Variants in ARID1B observed in about 807,000 individuals in gnomAD.
ARID1B encodes AT-rich interactive domain-containing protein 1B.
Under a neutral mutation model 212.3 loss-of-function variants are expected in ARID1B, and 30 were observed. That is an observed-to-expected ratio of 0.14 (90% CI 0.11 to 0.19). The LOEUF (loss-of-function observed/expected upper bound fraction) is 0.19, where lower values mean the gene tolerates loss of function less well. Among genes scored for constraint, ARID1B ranks in the 10% least tolerant of loss-of-function variants. The probability of loss-of-function intolerance (pLI) is 1.00; values close to 1 mark genes in which losing one functional copy is unlikely to be tolerated. For synonymous variants in ARID1B, 1,402 were observed against 1,301.7 expected (o/e 1.08, Z -1.66); for missense variants, 2,891 against 3,204.0 (o/e 0.90, Z 2.36).
chr6:157,190,243 A>G lies in ARID1B; in HGVS notation c.4231+33A>G, dbSNP rs374160777. On this transcript the variant is annotated intron_variant, in intron 15 of 19. Coordinates refer to ENST00000636930, the MANE Select transcript of ARID1B (RefSeq NM_001374828.1). The surrounding 1 kb of genome is among the most constrained non-coding windows in gnomAD (Gnocchi z 4.6). ...TAGAGGGGCCTCCACCCGGCCATGGACCAGTGGGCATTCTACTCTCTGCCG... is the reference window on the plus strand; with the variant it reads ...TAGAGGGGCCTCCACCCGGCCATGGGCCAGTGGGCATTCTACTCTCTGCCG... 5 of 1,580,360 alleles carry G rather than the reference A, an allele frequency of 3.2e-6. No individual in the cohort carries two copies. Among genetic ancestry groups the G allele is most frequent in the Non-Finnish European group, 3.4e-6 (4 of 1,167,848 alleles).
chr6:157,203,132 TGCCCCCA>T lies in ARID1B; in HGVS notation c.5264-730_5264-724del, dbSNP rs571515922. 4.0e-3 allele frequency among the ~76,000 whole-genome samples: 606 copies of T among 152,312 alleles called. 1 individual carries two copies. Among genetic ancestry groups the T allele is most frequent in the African/African-American group, 0.014 (570 of 41,570 alleles). ...GCAATGATTCTTGGTGCCTGGAGAA[TGCCCCCA>T]GCCTCCAGGCAGCTCCAGGGATCTG... On this transcript the variant is annotated intron_variant, in intron 18 of 19. Coordinates refer to ENST00000636930, the MANE Select transcript of ARID1B (RefSeq NM_001374828.1). This position sits in a 1 kb window ranked among gnomAD's most constrained non-coding sequence, Gnocchi z 4.4.
chr6:157,077,425 C>T (rs1457966280), intron 4 of ARID1B, among the ~76,000 whole-genome samples: 1 of 152,138 alleles, frequency 6.6e-6, no homozygotes, highest in East Asian at 1.9e-4. Context: ...CCATGCGCAG[C>T]CTGCCTCTGC....
intron 1 of ARID1B, among the ~76,000 whole-genome samples, chr6:156,788,639 T>C (rs887043691): frequency 6.6e-6 from 1 of 152,210 alleles, no homozygotes; most frequent in African/African-American, 2.4e-5. Flanking sequence ...AGTAACTTGC[T>C]TCTGTGTTTG....
chr6:157,151,450 G>A (rs1398550669), intron 8 of ARID1B: 1 of 152,078 alleles, frequency 6.6e-6, no homozygotes, highest in Non-Finnish European at 1.5e-5. Context: ...TTTTTCTCCA[G>A]CGAGTATCAG....
rs140621539 is a variant in ARID1B at position 156,960,285 on chromosome 6, A to G, written c.2247+24709A>G. 3.9e-5 allele frequency among the ~76,000 whole-genome samples: 6 copies of G among 152,260 alleles called. No homozygotes were observed. The East Asian group carries it at 1.2e-3, about 29-fold the overall frequency. On this transcript the variant is annotated intron_variant, in intron 4 of 19. Transcript: ENST00000636930. ...AAAACAGAAATTTCTGGGTTTTGAT[A>G]GGGAACTGGGCTGTGTACATATGTC... is the stretch of plus-strand genomic sequence containing the variant.
At chr6:157,081,483 G>A (rs751903649) in intron 4 of ARID1B, among the ~76,000 whole-genome samples, 21 of 152,306 alleles carry the variant, frequency 1.4e-4, no homozygotes, top group Non-Finnish European at 2.4e-4. Context: ...TAAAAGTCGC[G>A]TGAGTGTGTA....
At chr6:157,078,046 C>T (rs574200526) in intron 4 of ARID1B, among the ~76,000 whole-genome samples, 2 of 152,252 alleles carry the variant, frequency 1.3e-5, no homozygotes, top group Admixed American at 6.5e-5. Context: ...GAGTCTTTTT[C>T]GTGTTTTAGC....
intron 4 of ARID1B, among the ~76,000 whole-genome samples, chr6:157,051,005 G>GA (rs1249879280): frequency 6.6e-6 from 1 of 152,224 alleles, no homozygotes; most frequent in Non-Finnish European, 1.5e-5. Context: ...TCATGGACAA[G>GA]AGCAAGGCCT....
At chr6:157,126,701 A>T (rs1033145949) in intron 6 of ARID1B, among the ~76,000 whole-genome samples, 7 of 152,192 alleles carry the variant, frequency 4.6e-5, no homozygotes, top group Admixed American at 1.3e-4. Context: ...CTAAAGTTTG[A>T]ATTTTCCCAT....
intron 4 of ARID1B, among the ~76,000 whole-genome samples, chr6:157,037,559 G>A (rs1041148422): frequency 3.3e-5 from 5 of 152,204 alleles, no homozygotes; most frequent in African/African-American, 1.2e-4. Flanking sequence ...CAGCCACCAT[G>A]AAAAATATCT....
intron 6 of ARID1B, among the ~76,000 whole-genome samples, chr6:157,129,734 T>C (rs1788403847): frequency 6.6e-6 from 1 of 152,212 alleles, no homozygotes; most frequent in African/African-American, 2.4e-5. Flanking sequence ...ATTGAGATAG[T>C]TCAAGTGGAA....
intron 3 of ARID1B, among the ~76,000 whole-genome samples, chr6:156,910,485 C>T (rs140164874): frequency 1.8e-4 from 28 of 152,112 alleles, no homozygotes; most frequent in Non-Finnish European, 3.2e-4. Flanking sequence ...TCTCCTTTTC[C>T]CTGTTCTCGA....
Position 157,201,039 on chromosome 6 carries a change from G to A in ARID1B, c.4814G>A (p.Gly1605Asp), listed in dbSNP as rs760906582. 1 of 1,613,848 alleles carries A rather than the reference G, an allele frequency of 6.2e-7. No individual in the cohort carries two copies. ...CCCTACCAGAACAGGCAGGGCCCTG[G>A]CGGCCCTACACAGGCGCCCCCTTAC... ...PYPYQNRQGP[G>D]GPTQAPPYPG... The change falls in exon 18 of 20, where the codon GGC becomes GAC. Residue 1605 changes from glycine (G) to aspartate (D), a missense_variant. Gly to Asp is a moderately conservative substitution (Grantham distance 94, BLOSUM62 -1). This residue lies in a region of ARID1B where 666 missense variants were observed against 873.5 expected (regional missense o/e 0.76). Coordinates refer to ENST00000636930, the MANE Select transcript of ARID1B (RefSeq NM_001374828.1). The surrounding 1 kb of genome is among the most constrained non-coding windows in gnomAD (Gnocchi z 5.2).
At chr6:156,948,039 G>C (rs148567902) in intron 4 of ARID1B, among the ~76,000 whole-genome samples, 108 of 152,256 alleles carry the variant, frequency 7.1e-4, no homozygotes, top group South Asian at 5.0e-3. Flanking sequence ...TCAGGCACCT[G>C]CTCCTGAGCA....
Position 157,208,715 on chromosome 6 carries a change from C to CTTTTTTTTTTTTT in ARID1B, c.*830_*842dup, listed in dbSNP as rs878880822. On this transcript the variant is annotated 3_prime_UTR_variant, in exon 20 of 20. Coordinates refer to ENST00000636930, the MANE Select transcript of ARID1B (RefSeq NM_001374828.1). ...AAACATACCCTCATTTTTTTCTTTT[C>CTTTTTTTTTTTTT]TTTTTTTTTTTTTTTTTTAGTACAA... 1 of 140,024 alleles carries CTTTTTTTTTTTTT rather than the reference C, an allele frequency of 7.1e-6. No homozygotes were observed. The highest frequency in any genetic ancestry group is 1.4e-5 in the Non-Finnish European group (1 of 70,860). 8.7% of individuals were successfully genotyped at this position (140,024 alleles called of 1,614,324 possible). A position where few individuals can be genotyped will look rare whatever the true frequency, so the allele number is the denominator to read the frequency against.
intron 6 of ARID1B, among the ~76,000 whole-genome samples, chr6:157,125,428 G>A (rs928115214): frequency 3.3e-5 from 5 of 152,292 alleles, no homozygotes; most frequent in Middle Eastern, 3.4e-3. Context: ...AAGTAAAAGG[G>A]TACCTCAAGT....
chr6:157,082,215 G>A (rs1324994297), intron 4 of ARID1B, among the ~76,000 whole-genome samples: 1 of 152,188 alleles, frequency 6.6e-6, no homozygotes, highest in Non-Finnish European at 1.5e-5. Context: ...TTCAGCTGAG[G>A]CCTGTCCTAA....
rs1273382330 is a variant in ARID1B, at chr6:157,161,833, T to C, written c.3090-5207T>C. Among the ~76,000 whole-genome samples the C allele has an allele frequency of 2.6e-5, 4 of 152,214 alleles. No homozygotes were observed. In the East Asian group the frequency reaches 7.7e-4, roughly 29 times the overall value. ...GTTTATGTTGTTAGTAAGCAGTCTT[T>C]TCTGGCTTCATAACCCAGCTACATC... On this transcript the variant is annotated intron_variant, in intron 8 of 19. Transcript: ENST00000636930.
At chr6:157,014,618 G>A (rs1160201693) in intron 4 of ARID1B, among the ~76,000 whole-genome samples, 1 of 152,100 alleles carries the variant, frequency 6.6e-6, no homozygotes, top group Non-Finnish European at 1.5e-5. Context: ...ACAGCTACTA[G>A]GCTTTATAGA....
Sources: allele counts gnomAD v4.1 joint callset (sites outside exome capture counted in the v4.1 genomes callset), GRCh38; gene constraint gnomAD v4.1.1; regional missense constraint gnomAD v4.1.1; non-coding constraint Gnocchi (gnomAD v3.1); transcripts MANE v1.5; gene names NCBI Gene and HGNC (gene_info 2026-07-23, HGNC 2026-07-21).